COL4A5: variants seen among roughly 807,000 people sequenced by gnomAD.
COL4A5 encodes collagen type IV alpha 5 chain.
COL4A5 carries 26 observed loss-of-function variants against 130.2 expected under a neutral mutation model. That is an observed-to-expected ratio of 0.20 (90% CI 0.15 to 0.28). The LOEUF is 0.28. Among genes scored for constraint, COL4A5 ranks in the 10% least tolerant of loss-of-function variants. The pLI is 1.00. For synonymous variants in COL4A5, 496 were observed against 439.6 expected, an observed-to-expected ratio of 1.13 and a Z score of -1.60; for missense variants, 1,131 against 1,344.3, an observed-to-expected ratio of 0.84 and a Z score of 2.48.
At position 108,452,322 on chromosome X, in the gene COL4A5, C is replaced by G. The variant is rs1245213343; in HGVS notation, c.81+12116C>G. ...TGGCGATGCTGGCTCTTTTTTGGTT[C>G]CATATGAACTTTAAAGTAGTTTTTT... is the stretch of plus-strand genomic sequence containing the variant. On this transcript the variant is annotated intron_variant, in intron 1 of 52. Coordinates refer to ENST00000328300, the MANE Select transcript of COL4A5 (RefSeq NM_033380.3). Among the ~76,000 whole-genome samples the G allele has an allele frequency of 7.2e-5, 8 of 111,448 alleles. No individual in the cohort carries two copies. In the East Asian group the frequency reaches 2.3e-3, roughly 32 times the overall value.
intron 2 of COL4A5, among the ~76,000 whole-genome samples, chrX:108,555,372 A>C (rs1025779597): frequency 8.9e-6 from 1 of 112,256 alleles, no homozygotes; most frequent in Non-Finnish European, 1.9e-5. Context: ...TAATACATCA[A>C]ATATTTCTAG....
At chrX:108,623,285 A>T (rs1441881141) in intron 33 of COL4A5, among the ~76,000 whole-genome samples, 2 of 111,808 alleles carry the variant, frequency 1.8e-5, no homozygotes, top group Non-Finnish European at 1.9e-5. Flanking sequence ...GTTCACCGTT[A>T]TTCTACTTTG....
rs1280184004 is a variant in COL4A5 at position 108,687,671 on chromosome X, A to G, written c.4505A>G (p.Lys1502Arg). The G allele has an allele frequency of 8.3e-7, 1 of 1,209,996 alleles. No individual in the cohort carries two copies. The highest frequency in any genetic ancestry group is 3.0e-5 in the East Asian group (1 of 33,820). ...TCTCTCCTGTATGTACAAGGAAATAAAAGAGCCCACGGTCAAGACTTGGGT... is the reference window on the plus strand; with the variant it reads ...TCTCTCCTGTATGTACAAGGAAATAGAAGAGCCCACGGTCAAGACTTGGGT... ...GFSLLYVQGN[K>R]RAHGQDLGTA... is the part of the protein sequence containing the mutation. The change falls in exon 49 of 53, where the codon AAA becomes AGA. Residue 1502 changes from lysine to arginine, a missense_variant. Physicochemically the swap from Lys to Arg is conservative, Grantham distance 26. Coordinates refer to ENST00000328300, the MANE Select transcript of COL4A5 (RefSeq NM_033380.3).
chrX:108,615,752 C>A (rs1321850059), intron 30 of COL4A5, among the ~76,000 whole-genome samples: 1 of 110,810 alleles, frequency 9.0e-6, no homozygotes, highest in Non-Finnish European at 1.9e-5. Context: ...ACCTTGGGGC[C>A]ATCATTATGT....
chrX:108,522,287 T>C (rs2065271961), intron 1 of COL4A5, among the ~76,000 whole-genome samples: 1 of 109,376 alleles, frequency 9.1e-6, no homozygotes, highest in Non-Finnish European at 1.9e-5. Context: ...GTACAGATTT[T>C]TGCATAGACA....
chrX:108,457,024 C>T (rs985135533), intron 1 of COL4A5, among the ~76,000 whole-genome samples: 1 of 111,424 alleles, frequency 9.0e-6, no homozygotes, highest in Non-Finnish European at 1.9e-5. Flanking sequence ...GAGCCCCAAA[C>T]AAAAGGCTCT....
In COL4A5 at chrX:108,580,835, A is replaced by G. The variant is rs1282999821; in HGVS notation, c.891+97A>G. The G allele has an allele frequency of 6.2e-6, 6 of 965,052 alleles. No homozygotes were observed. In the African/African-American group the frequency reaches 9.6e-5, roughly 15 times the overall value. The allele number at this position is 965,052 out of a possible 1,213,427, so 79.5% of individuals were successfully genotyped here. A position where few individuals can be genotyped will look rare whatever the true frequency, so the allele number is the denominator to read the frequency against. ...TTCCTACATCTTCCATTGTTTCAAA[A>G]TATCACTACTGACATTATAATGTTG... On this transcript the variant is annotated intron_variant, in intron 15 of 52. Transcript: ENST00000328300.
In COL4A5 at chrX:108,449,720, C is replaced by G. The variant is rs751582162; in HGVS notation, c.81+9514C>G. 8.2e-5 allele frequency among the ~76,000 whole-genome samples: 9 copies of G among 109,971 alleles called. No homozygotes were observed. The South Asian group carries it at 3.5e-3, about 43-fold the overall frequency. ...TTCTGGTTCACAGATGTTATGGTCT[C>G]TCTGTGACCTCACATGGTGAAAGGG... On this transcript the variant is annotated intron_variant, in intron 1 of 52. Transcript: ENST00000328300.
At chrX:108,479,004 T>C (rs2064863169) in intron 1 of COL4A5, among the ~76,000 whole-genome samples, 1 of 112,118 alleles carries the variant, frequency 8.9e-6, no homozygotes, top group Non-Finnish European at 1.9e-5. Context: ...CAGGTCAGCA[T>C]TGATGAGTGC....
At chrX:108,443,281 G>T (rs749791090) in intron 1 of COL4A5, among the ~76,000 whole-genome samples, 1 of 111,966 alleles carries the variant, frequency 8.9e-6, no homozygotes, top group African/African-American at 3.2e-5. Flanking sequence ...GCTGTTGAAG[G>T]TTTTATGATT....
intron 36 of COL4A5, among the ~76,000 whole-genome samples, chrX:108,649,071 A>G (rs750914563): frequency 6.3e-5 from 7 of 111,627 alleles, no homozygotes; most frequent in Non-Finnish European, 1.3e-4. Context: ...ATGTACACAA[A>G]TCAGTAGCTC....
At chrX:108,658,092 T>C (rs2067879856) in intron 37 of COL4A5, among the ~76,000 whole-genome samples, 1 of 110,751 alleles carries the variant, frequency 9.0e-6, no homozygotes, top group African/African-American at 3.3e-5. Flanking sequence ...AGTGCCAGGG[T>C]TTTGGCACAT....
At chrX:108,580,439 T>G (rs1044597625) in intron 13 of COL4A5, 94 bp from the exon 14 acceptor site, 1 of 736,930 alleles carries the variant, frequency 1.4e-6, no homozygotes, top group Admixed American at 2.2e-5. Context: ...TGTGGTTCAG[T>G]TTATTAAAAA....
At chrX:108,695,694 A>C in intron 52 of COL4A5, 1 of 356,714 alleles carries the variant, frequency 2.8e-6, no homozygotes, top group Non-Finnish European at 5.0e-6. Flanking sequence ...AAGAAAGGTT[A>C]TGTGACCTTC....
chrX:108,506,582 A>G (rs973165249), intron 1 of COL4A5, among the ~76,000 whole-genome samples: 3 of 111,266 alleles, frequency 2.7e-5, no homozygotes, highest in South Asian at 3.8e-4. Context: ...GCAGTTCACA[A>G]TAGGGTTCAC....
intron 2 of COL4A5, among the ~76,000 whole-genome samples, chrX:108,541,381 A>G (rs1247334956): frequency 1.8e-5 from 2 of 112,419 alleles, no homozygotes; most frequent in Non-Finnish European, 1.9e-5. Flanking sequence ...CAGCTACTTG[A>G]TAGTACAAGA....
chrX:108,613,060 CA>C (rs200110967), intron 29 of COL4A5, among the ~76,000 whole-genome samples: 2 of 109,426 alleles, frequency 1.8e-5, no homozygotes, highest in Non-Finnish European at 3.8e-5. Flanking sequence ...CATCCATATG[CA>C]AAAAAAAATA....
chrX:108,516,954 AT>A (rs2147601831), intron 1 of COL4A5, among the ~76,000 whole-genome samples: 1 of 111,638 alleles, frequency 9.0e-6, no homozygotes, highest in African/African-American at 3.2e-5. Context: ...CAGTTTCTAT[AT>A]CTGAAAACAT....
intron 36 of COL4A5, among the ~76,000 whole-genome samples, chrX:108,648,214 A>G (rs1207151020): frequency 9.0e-6 from 1 of 110,889 alleles, no homozygotes. Flanking sequence ...GAAGAATTAG[A>G]TACCCTGAAC....
Sources: allele counts gnomAD v4.1 joint callset (sites outside exome capture counted in the v4.1 genomes callset), GRCh38; gene constraint gnomAD v4.1.1; transcripts MANE v1.5; gene names NCBI Gene and HGNC (gene_info 2026-07-23, HGNC 2026-07-21).